Variants in AKT1 observed in about 807,000 individuals in gnomAD.
AKT1 encodes the protein AKT serine/threonine kinase 1.
AKT1 carries 21 observed loss-of-function variants against 63.1 expected under a neutral mutation model. The observed-to-expected ratio is 0.33, with a 90% confidence interval of 0.24 to 0.48. The LOEUF is 0.48. Among genes scored for constraint, AKT1 ranks in the 20% least tolerant of loss-of-function variants. The probability of loss-of-function intolerance (pLI) is 0.99; values close to 1 mark genes in which losing one functional copy is unlikely to be tolerated. For missense variants in AKT1, 382 were observed against 666.0 expected (o/e 0.57, Z 4.69); for synonymous variants, 257 against 253.1 (o/e 1.02, Z -0.15).
chr14:104,776,096 A>C, intron 5 of AKT1: 1 of 261,688 alleles, frequency 3.8e-6, no homozygotes, highest in South Asian at 5.4e-5. Flanking sequence ...CCCAAGCAGG[A>C]CTCCGCCTCC....
intron 1 of AKT1, chr14:104,794,015 C>T (rs1170550522): frequency 6.6e-6 from 1 of 152,334 alleles, no homozygotes; most frequent in African/African-American, 2.4e-5. Flanking sequence ...GGCTGGACAC[C>T]CACAAAGGGT....
chr14:104,784,073 C>T (rs1285400310), intron 3 of AKT1, among the ~76,000 whole-genome samples: 2 of 152,004 alleles, frequency 1.3e-5, no homozygotes, highest in Non-Finnish European at 2.9e-5. Context: ...GCCCCATGGC[C>T]GGTTCCCTCG....
At chr14:104,771,809 T>C (rs768118092) in intron 13 of AKT1, 1 of 238,698 alleles carries the variant, frequency 4.2e-6, no homozygotes, top group Non-Finnish European at 8.2e-6. Context: ...CCAGGGCTCC[T>C]AGGGTCCCTG....
chr14:104,773,699 A>G (rs1220486475), intron 9 of AKT1, 119 bp from the exon 10 acceptor site: 8 of 1,431,532 alleles, frequency 5.6e-6, no homozygotes, highest in East Asian at 5.0e-5. Context: ...CAGCCACCAG[A>G]GGGCACGGGG....
intron 6 of AKT1, 157 bp downstream of exon 6, chr14:104,775,495 C>T: frequency 1.7e-6 from 2 of 1,176,064 alleles, no homozygotes; most frequent in Non-Finnish European, 2.3e-6. Flanking sequence ...GAGGACCCAC[C>T]TGGGAAGCAG....
intron 4 of AKT1, 54 bp downstream of exon 4, chr14:104,780,034 G>A (rs2140947931): frequency 6.3e-7 from 1 of 1,593,708 alleles, no homozygotes; most frequent in South Asian, 1.1e-5. Context: ...TGGGCAAAGA[G>A]GGCTCCAGCC....
At chr14:104,773,169 G>A in intron 11 of AKT1, 77 bp from the exon 12 acceptor site, 1 of 1,609,730 alleles carries the variant, frequency 6.2e-7, no homozygotes. Flanking sequence ...TGACGTGCTT[G>A]GGGCACAGAG....
chr14:104,770,278 A>G lies in AKT1; in HGVS notation c.*63T>C. The G allele has an allele frequency of 2.0e-6, 3 of 1,510,478 alleles. No individual in the cohort carries two copies. The highest frequency in any genetic ancestry group is 2.7e-6 in the Non-Finnish European group (3 of 1,112,820). 93.6% of individuals were successfully genotyped at this position (1,510,478 alleles called of 1,614,324 possible). A position where few individuals can be genotyped will look rare whatever the true frequency, so the allele number is the denominator to read the frequency against. ...GAGAAATAAAAACCATTAAATACAGATCATGGCACGAGGCCGCCTCTCCAT... is the reference window on the plus strand; with the variant it reads ...GAGAAATAAAAACCATTAAATACAGGTCATGGCACGAGGCCGCCTCTCCAT... On this transcript the variant is annotated 3_prime_UTR_variant, in exon 15 of 15. Coordinates refer to ENST00000649815, the MANE Select transcript of AKT1 (RefSeq NM_001382430.1).
Position 104,772,814 on chromosome 14 carries a change from G to A in AKT1, c.1172+64C>T, listed in dbSNP as rs374271808. On this transcript the variant is annotated intron_variant, in intron 12 of 14. Transcript: ENST00000649815. The stretch of plus-strand genomic sequence containing the variant: ...GGTGCCAGGACCGCCTGGCGCAGGG[G>A]CAGGTGCAGCCTGGGGATGAGGGGA... 170 of 1,522,748 alleles carry A rather than the reference G, an allele frequency of 1.1e-4. 1 individual carries two copies. In the East Asian group the frequency reaches 3.1e-3, roughly 27 times the overall value. 94.3% of individuals were successfully genotyped at this position (1,522,748 alleles called of 1,614,324 possible). A position where few individuals can be genotyped will look rare whatever the true frequency, so the allele number is the denominator to read the frequency against.
chr14:104,777,401 A>G (rs1595248417), intron 4 of AKT1: 5 of 358,866 alleles, frequency 1.4e-5, no homozygotes, highest in South Asian at 6.1e-5. Flanking sequence ...CACCTGAGGC[A>G]CACACCTGGG....
chr14:104,770,595 C>T (rs1892329203), intron 14 of AKT1, 150 bp downstream of exon 14: 1 of 916,742 alleles, frequency 1.1e-6, no homozygotes, highest in Admixed American at 2.5e-5. Context: ...CAGAGCACTG[C>T]CTCCCACCCT....
In AKT1 at chr14:104,770,735, G is replaced by A; in HGVS notation, c.1363+10C>T. 6.2e-7 allele frequency: 1 copy of A among 1,610,282 alleles called. No individual in the cohort carries two copies. Among genetic ancestry groups the A allele is most frequent in the Non-Finnish European group, 8.5e-7 (1 of 1,176,570 alleles). On this transcript the variant is annotated intron_variant, in intron 14 of 14. Coordinates refer to ENST00000649815, the MANE Select transcript of AKT1 (RefSeq NM_001382430.1). ...AAGGGAGTGGGCGGGGGCAGGCAGT[G>A]GCCCCTCACCTTGGTCAGGTGGTGT...
chr14:104,779,373 C>G (rs549285779), intron 4 of AKT1, among the ~76,000 whole-genome samples: 1 of 152,214 alleles, frequency 6.6e-6, no homozygotes, highest in Non-Finnish European at 1.5e-5. Context: ...GGGAGAGGCA[C>G]GAGCTCTTCC....
At chr14:104,772,311 G>T in intron 13 of AKT1, 54 bp downstream of exon 13, 1 of 1,577,136 alleles carries the variant, frequency 6.3e-7, no homozygotes, top group South Asian at 1.1e-5. Context: ...GCATGCGTGA[G>T]TGTGGATATG....
rs2140905020 is a variant in AKT1 at position 104,773,253 on chromosome 14, C to T, written c.955G>A (p.Glu319Lys). 2 of 1,614,194 alleles carry T rather than the reference C, an allele frequency of 1.2e-6. No homozygotes were observed. Among genetic ancestry groups the T allele is most frequent in the Non-Finnish European group, 1.7e-6 (2 of 1,180,010 alleles). Residue 319 changes from glutamate to lysine, a missense_variant and splice_region_variant, in exon 11 of 15, where the codon GAG becomes AAG. This residue lies in a region of AKT1 where 66 missense variants were observed against 179.1 expected (regional missense o/e 0.37). Transcript: ENST00000649815. ...FCGTPEYLAP[E>K]VLEDNDYGRA... ...ATGCACGCAGGTGGGGCGCACACCT[C>T]GGGGGCCAGGTACTCAGGTGTGCCG...
chr14:104,787,667 G>A (rs1054365263), intron 3 of AKT1, among the ~76,000 whole-genome samples: 2 of 152,230 alleles, frequency 1.3e-5, no homozygotes, highest in African/African-American at 4.8e-5. Flanking sequence ...CTAGGCCCCA[G>A]CACAGGAATC....
chr14:104,780,265 C>T (rs1189418930), intron 3 of AKT1, 49 bp from the exon 4 acceptor site: 3 of 1,596,858 alleles, frequency 1.9e-6, no homozygotes, highest in Non-Finnish European at 2.6e-6. Flanking sequence ...CCCGTCAGAC[C>T]CTCGCCAGGC....
chr14:104,791,936 TG>T (rs1039698939), intron 3 of AKT1, among the ~76,000 whole-genome samples: 2 of 152,178 alleles, frequency 1.3e-5, no homozygotes, highest in Admixed American at 1.3e-4. Context: ...CGCACCCCGC[TG>T]AGCAACGGAG....
rs1047608690 is a variant in AKT1, at chr14:104,787,633, T to C, written c.46+4965A>G. Among the ~76,000 whole-genome samples the C allele has an allele frequency of 7.9e-5, 12 of 152,370 alleles. No homozygotes were observed. The East Asian group carries it at 2.3e-3, about 29-fold the overall frequency. On this transcript the variant is annotated intron_variant, in intron 3 of 14. Coordinates refer to ENST00000649815, the MANE Select transcript of AKT1 (RefSeq NM_001382430.1). ...TGATGCAACCCGGCCAGGCTTCTCCTGAGAGTGGAAGGTGTACGGGGGTCT... is the reference window on the plus strand; with the variant it reads ...TGATGCAACCCGGCCAGGCTTCTCCCGAGAGTGGAAGGTGTACGGGGGTCT...
Sources: allele counts gnomAD v4.1 joint callset (sites outside exome capture counted in the v4.1 genomes callset), GRCh38; gene constraint gnomAD v4.1.1; regional missense constraint gnomAD v4.1.1; transcripts MANE v1.5; gene names NCBI Gene and HGNC (gene_info 2026-07-23, HGNC 2026-07-21).